The following SEMA5A variants were observed in gnomAD, a reference collection of about 807,000 sequenced individuals.
SEMA5A encodes semaphorin 5A, also known as semaphorin-5A.
Under a neutral mutation model 135.5 loss-of-function variants are expected in SEMA5A, and 55 were observed. The observed-to-expected ratio is 0.41, with a 90% CI of 0.33 to 0.51. SEMA5A has a LOEUF of 0.51. SEMA5A is among the 20% of genes least tolerant of loss of function. SEMA5A has a pLI of 0.37. For synonymous variants in SEMA5A, 580 were observed against 546.5 expected (o/e 1.06, Z -0.85); for missense variants, 1,290 against 1,419.9 (o/e 0.91, Z 1.47).
chr5:9,058,519 T>C (rs1737013538), intron 18 of SEMA5A, among the ~76,000 whole-genome samples: 1 of 152,206 alleles, frequency 6.6e-6, no homozygotes, highest in African/African-American at 2.4e-5. Context: ...CAATTAATTA[T>C]AGGAAATTAT....
chr5:9,269,898 G>T (rs1287120100), intron 5 of SEMA5A, among the ~76,000 whole-genome samples: 1 of 152,092 alleles, frequency 6.6e-6, no homozygotes, highest in African/African-American at 2.4e-5. Flanking sequence ...CAGCTGCACA[G>T]AGAAGACTTA....
rs2097827 is a variant in SEMA5A at position 9,369,132 on chromosome 5, G to A, written c.124+10691C>T. ...TGGAGGTATCTCACTATGCAGTTAT[G>A]TCTAAATTGCTAGTCCATTTTTAAA... On this transcript the variant is annotated intron_variant, in intron 3 of 22. Coordinates refer to ENST00000382496, the MANE Select transcript of SEMA5A (RefSeq NM_003966.3). Among the ~76,000 whole-genome samples, 2,017 of 152,232 alleles carry A rather than the reference G, an allele frequency of 0.013. 61 individuals carry two copies. The East Asian group carries it at 0.14, about 11-fold the overall frequency.
intron 1 of SEMA5A, among the ~76,000 whole-genome samples, chr5:9,521,603 C>T (rs561990212): frequency 5.7e-4 from 86 of 152,198 alleles, no homozygotes; most frequent in Non-Finnish European, 9.6e-4. Flanking sequence ...TCCTGCTGAG[C>T]GGTTTATGAA....
At chr5:9,277,766 G>A (rs766745888) in intron 5 of SEMA5A, among the ~76,000 whole-genome samples, 18 of 152,094 alleles carry the variant, frequency 1.2e-4, no homozygotes, top group Non-Finnish European at 2.6e-4. Flanking sequence ...GTTGAACAAT[G>A]AGAACACATG....
chr5:9,154,762 CAG>C (rs1336687807), intron 11 of SEMA5A, 67 bp from the exon 12 acceptor site: 3 of 1,376,566 alleles, frequency 2.2e-6, no homozygotes, highest in African/African-American at 2.8e-5. Flanking sequence ...CCTGGTTAAA[CAG>C]AGTGTGCTGT....
intron 16 of SEMA5A, among the ~76,000 whole-genome samples, chr5:9,095,166 T>C (rs190893455): frequency 5.1e-4 from 77 of 152,230 alleles, no homozygotes; most frequent in African/African-American, 1.8e-3. Flanking sequence ...AAACACTACA[T>C]GTTCTCACTC....
rs1209292983 is a variant in SEMA5A, at chr5:9,154,085, A to ATGTG, written c.1481+402_1481+403insCACA. 2.4e-3 allele frequency among the ~76,000 whole-genome samples: 207 copies of ATGTG among 85,018 alleles called. 2 individuals carry two copies. Among genetic ancestry groups the ATGTG allele is most frequent in the East Asian group, 0.014 (27 of 1,984 alleles). 55.8% of individuals were successfully genotyped at this position (85,018 alleles called of 152,430 possible). On this transcript the variant is annotated intron_variant, in intron 12 of 22. Transcript: ENST00000382496. Reference sequence around the variant, plus strand: ...AAAATATATATATATATATATATATATATATATATGTGTGTGTGTGTATGT... The same window carrying ATGTG: ...AAAATATATATATATATATATATATATGTGTATATATATGTGTGTGTGTGTATGT...
rs778050564 is a variant in SEMA5A, at chr5:9,337,818, T to C, written c.125-6A>G. 2.0e-5 allele frequency: 31 copies of C among 1,565,060 alleles called. No homozygotes were observed. Among genetic ancestry groups the C allele is most frequent in the Non-Finnish European group, 2.4e-5 (28 of 1,144,202 alleles). ...CCGTAACCAGGGGCCAATTTCTAAATAGAAAAAATAAATAAATAAAAAGAT... is the reference window on the plus strand; with the variant it reads ...CCGTAACCAGGGGCCAATTTCTAAACAGAAAAAATAAATAAATAAAAAGAT... On this transcript the variant is annotated splice_polypyrimidine_tract_variant and splice_region_variant and intron_variant, in intron 3 of 22. Coordinates refer to ENST00000382496, the MANE Select transcript of SEMA5A (RefSeq NM_003966.3).
intron 22 of SEMA5A, 27 bp downstream of exon 22, chr5:9,044,346 T>G: frequency 6.3e-7 from 1 of 1,587,744 alleles, no homozygotes; most frequent in East Asian, 2.2e-5. Context: ...AACCAGGCAC[T>G]TAGCAGAAAT....
chr5:9,390,833 GC>G (rs984303535), intron 2 of SEMA5A: 1 of 152,132 alleles, frequency 6.6e-6, no homozygotes, highest in Admixed American at 6.5e-5. Flanking sequence ...TAAAAAAGAT[GC>G]AAAAAATCCA....
intron 13 of SEMA5A, among the ~76,000 whole-genome samples, chr5:9,125,426 A>G (rs886575770): frequency 3.3e-5 from 5 of 152,212 alleles, no homozygotes; most frequent in Non-Finnish European, 7.3e-5. Flanking sequence ...TGCTGCATCT[A>G]TCAACCCATT....
intron 5 of SEMA5A, among the ~76,000 whole-genome samples, chr5:9,256,266 G>A (rs780467971): frequency 6.6e-6 from 1 of 152,098 alleles, no homozygotes; most frequent in Non-Finnish European, 1.5e-5. Flanking sequence ...CTTGGGCCTG[G>A]TTCACAAAGC....
chr5:9,202,261 G>A (rs1032408106), intron 8 of SEMA5A, 21 bp from the exon 9 acceptor site: 29 of 1,602,456 alleles, frequency 1.8e-5, no homozygotes, highest in Non-Finnish European at 2.5e-5. Flanking sequence ...TAGAAAAGAG[G>A]GAAAAAATCT....
chr5:9,168,590 A>G (rs1743741878), intron 11 of SEMA5A, among the ~76,000 whole-genome samples: 1 of 152,202 alleles, frequency 6.6e-6, no homozygotes, highest in East Asian at 1.9e-4. Context: ...TTCTTTCCAT[A>G]TATTAAAACT....
intron 14 of SEMA5A, among the ~76,000 whole-genome samples, chr5:9,121,727 C>T (rs1209289292): frequency 6.6e-6 from 1 of 152,122 alleles, no homozygotes; most frequent in Non-Finnish European, 1.5e-5. Context: ...ATCTCTGTGG[C>T]CCTGATTTGC....
chr5:9,332,602 AGTT>A lies in SEMA5A; in HGVS notation c.224+5108_224+5110del, dbSNP rs538201336. ...ATTGGGTCAGGTGTGCAACGTGTGAAGTTGTGGGCTGCTACTCACATTGGGTCA... is the reference window on the plus strand; with the variant it reads ...ATTGGGTCAGGTGTGCAACGTGTGAAGTGGGCTGCTACTCACATTGGGTCA... On this transcript the variant is annotated intron_variant, in intron 4 of 22. Coordinates refer to ENST00000382496, the MANE Select transcript of SEMA5A (RefSeq NM_003966.3). Among the ~76,000 whole-genome samples, 660 of 151,342 alleles carry A rather than the reference AGTT, an allele frequency of 4.4e-3. 3 individuals carry two copies. The highest frequency in any genetic ancestry group is 8.9e-3 in the Admixed American group (136 of 15,228).
chr5:9,071,314 C>T (rs1172159242), intron 16 of SEMA5A, among the ~76,000 whole-genome samples: 1 of 152,166 alleles, frequency 6.6e-6, no homozygotes, highest in Non-Finnish European at 1.5e-5. Context: ...ATCTTAATTG[C>T]CTCTTCTAAT....
chr5:9,436,438 G>A (rs1435764265), intron 2 of SEMA5A, among the ~76,000 whole-genome samples: 5 of 152,228 alleles, frequency 3.3e-5, no homozygotes, highest in African/African-American at 1.2e-4. Flanking sequence ...ACGTAAGGAC[G>A]ACACAGGAGA....
At chr5:9,347,229 G>A (rs1466421354) in intron 3 of SEMA5A, among the ~76,000 whole-genome samples, 2 of 152,122 alleles carry the variant, frequency 1.3e-5, no homozygotes, top group Non-Finnish European at 2.9e-5. Flanking sequence ...ATCTTTTCTG[G>A]TTTCTATTGC....
Sources: gnomAD v4.1 joint callset for allele counts (sites outside exome capture counted in the v4.1 genomes callset) on GRCh38, gnomAD v4.1.1 for gene constraint, MANE v1.5 for transcripts, NCBI Gene and HGNC (gene_info 2026-07-23, HGNC 2026-07-21) for gene names.